COP1: variants seen among roughly 807,000 people sequenced by gnomAD.
The protein encoded by COP1 is E3 ubiquitin-protein ligase COP1.
Under a neutral mutation model 101.3 loss-of-function variants are expected in COP1, and 24 were observed. The ratio of observed to expected loss-of-function variants is 0.24; its 90% CI spans 0.17 to 0.33. COP1 has a LOEUF of 0.33. COP1 is among the 10% of genes least tolerant of loss of function. The probability of loss-of-function intolerance (pLI) is 1.00; values close to 1 mark genes in which losing one functional copy is unlikely to be tolerated. For missense variants in COP1, 663 were observed against 906.2 expected, an observed-to-expected ratio of 0.73 and a Z score of 3.45; for synonymous variants, 347 against 341.9, an observed-to-expected ratio of 1.01 and a Z score of -0.17.
intron 2 of COP1, among the ~76,000 whole-genome samples, chr1:176,177,853 T>C (rs564683948): frequency 1.3e-5 from 2 of 152,314 alleles, no homozygotes; most frequent in East Asian, 3.9e-4. Context: ...CTTTCACATC[T>C]CACATTTGTT....
chr1:176,016,804 T>A (rs891755093), intron 15 of COP1, among the ~76,000 whole-genome samples: 6 of 151,978 alleles, frequency 3.9e-5, no homozygotes, highest in Admixed American at 6.6e-5. Context: ...AACAAAAAAA[T>A]TTATCTACTT....
In COP1 at chr1:176,162,951, C is replaced by A; in HGVS notation, c.680G>T (p.Gly227Val). The change falls in exon 5 of 20, where the codon GGA (glycine) becomes GTA (valine). Residue 227 changes from glycine (G) to valine (V), a missense_variant. Gly to Val is a moderately radical substitution (Grantham distance 109). Around this residue, in one of 4 missense-constraint regions of COP1, gnomAD observed 212 missense variants for 240.7 expected, o/e 0.88. Transcript: ENST00000367669. ...CAAATCAAGGTTATCTTGGTCAGTT[C>A]CCAACCAATCTTGAAATATCTGCCA... ...HRWQIFQDWL[G>V]TDQDNLDLAN... is the part of the protein sequence containing the mutation. 2 of 1,608,024 alleles carry A rather than the reference C, an allele frequency of 1.2e-6. No homozygotes were observed. The highest frequency in any genetic ancestry group is 1.7e-6 in the Non-Finnish European group (2 of 1,177,232).
intron 16 of COP1, 101 bp downstream of exon 16, chr1:175,989,261 T>C (rs1657845973): frequency 3.3e-6 from 2 of 597,412 alleles, no homozygotes; most frequent in Non-Finnish European, 6.1e-6. Flanking sequence ...GTACATATAC[T>C]CCAATATTAT....
chr1:176,061,490 G>C (rs1674829890), intron 11 of COP1, among the ~76,000 whole-genome samples: 1 of 152,190 alleles, frequency 6.6e-6, no homozygotes, highest in South Asian at 2.1e-4. Context: ...ACTAGGCATG[G>C]TGGCGTGCGC....
At chr1:176,015,578 C>T (rs1665482886) in intron 15 of COP1, among the ~76,000 whole-genome samples, 2 of 151,926 alleles carry the variant, frequency 1.3e-5, no homozygotes, top group Admixed American at 1.3e-4. Context: ...ATCTTGATAA[C>T]CAAGGAGGAA....
chr1:176,136,325 G>GT (rs1176220143), intron 7 of COP1, among the ~76,000 whole-genome samples, 163 bp downstream of exon 7: 1 of 151,734 alleles, frequency 6.6e-6, no homozygotes, highest in East Asian at 1.9e-4. Context: ...TGTTCAGAAT[G>GT]TTTTTTTCTA....
chr1:176,067,659 A>C (rs1676238824), intron 11 of COP1, among the ~76,000 whole-genome samples: 1 of 152,116 alleles, frequency 6.6e-6, no homozygotes, highest in South Asian at 2.1e-4. Flanking sequence ...AAAAGCTTGC[A>C]CTCATTCTCC....
At chr1:176,046,041 A>AT (rs1671467751) in intron 12 of COP1, 140 bp downstream of exon 12, 3 of 582,566 alleles carry the variant, frequency 5.1e-6, no homozygotes, top group Non-Finnish European at 8.5e-6. Flanking sequence ...AAGTAATAAT[A>AT]TATACTCTGT....
At chr1:175,967,062 CG>C (rs1255916999) in intron 18 of COP1, among the ~76,000 whole-genome samples, 1 of 152,188 alleles carries the variant, frequency 6.6e-6, no homozygotes, top group Admixed American at 6.5e-5. Context: ...ATCTTAAAAT[CG>C]TTCATTAGAA....
intron 11 of COP1, 136 bp downstream of exon 11, chr1:176,081,016 C>G (rs1276137385): frequency 1.3e-6 from 1 of 761,926 alleles, no homozygotes; most frequent in Non-Finnish European, 2.1e-6. Context: ...AGGAACTTGC[C>G]TAAAATCACA....
At chr1:175,989,340 C>T (rs766118243) in intron 16 of COP1, 22 bp downstream of exon 16, 3 of 1,258,152 alleles carry the variant, frequency 2.4e-6, no homozygotes, top group Admixed American at 1.7e-5. Context: ...TAAGCTCAAC[C>T]TCTGAGGAGA....
At chr1:176,125,104 A>AT (rs57143115) in intron 8 of COP1, among the ~76,000 whole-genome samples, 4 of 151,166 alleles carry the variant, frequency 2.6e-5, no homozygotes, top group South Asian at 2.1e-4. Context: ...TGATTATTCG[A>AT]TTTTTTTTTT....
intron 13 of COP1, 118 bp from the exon 14 acceptor site, chr1:176,043,385 G>T: frequency 1.6e-6 from 1 of 625,988 alleles, no homozygotes. Flanking sequence ...AAGACAACAG[G>T]CTAGAAAACA....
chr1:176,103,828 A>G (rs1683851438), intron 9 of COP1, among the ~76,000 whole-genome samples: 1 of 152,212 alleles, frequency 6.6e-6, no homozygotes, highest in South Asian at 2.1e-4. Flanking sequence ...AGTTAAAATC[A>G]GTATCATAAA....
At chr1:176,001,416 T>C (rs1375556066) in intron 15 of COP1, among the ~76,000 whole-genome samples, 1 of 152,154 alleles carries the variant, frequency 6.6e-6, no homozygotes, top group African/African-American at 2.4e-5. Context: ...CGATTTTTGT[T>C]TGTGTAAATG....
At chr1:176,056,009 C>T (rs1295278307) in intron 11 of COP1, among the ~76,000 whole-genome samples, 1 of 151,866 alleles carries the variant, frequency 6.6e-6, no homozygotes, top group South Asian at 2.1e-4. Flanking sequence ...TAGCTATGTC[C>T]CATAAGTTCT....
chr1:176,018,950 G>C (rs1666165353), intron 15 of COP1, among the ~76,000 whole-genome samples: 1 of 151,500 alleles, frequency 6.6e-6, no homozygotes, highest in South Asian at 2.1e-4. Context: ...TGGATCACTT[G>C]AGGTCAGGAG....
chr1:176,046,103 G>A lies in COP1; in HGVS notation c.1421+78C>T, dbSNP rs900555826. ...CATGAGTAAAAAGTGTCATGCAAAG[G>A]TAAAATAATCTCATGATAATTACAT... is the stretch of plus-strand genomic sequence containing the variant. On this transcript the variant is annotated intron_variant, in intron 12 of 19. Coordinates refer to ENST00000367669, the MANE Select transcript of COP1 (RefSeq NM_022457.7). 1.3e-5 allele frequency: 15 copies of A among 1,182,258 alleles called. No individual in the cohort carries two copies. In the African/African-American group the frequency reaches 1.5e-4, roughly 12 times the overall value. 73.2% of individuals were successfully genotyped at this position (1,182,258 alleles called of 1,614,324 possible).
intron 15 of COP1, among the ~76,000 whole-genome samples, chr1:176,007,000 T>C (rs1387891901): frequency 6.6e-6 from 1 of 152,138 alleles, no homozygotes; most frequent in African/African-American, 2.4e-5. Flanking sequence ...CAGATGTAGA[T>C]TTGGTCTTTT....
Sources: allele counts gnomAD v4.1 joint callset (sites outside exome capture counted in the v4.1 genomes callset), GRCh38; gene constraint gnomAD v4.1.1; regional missense constraint gnomAD v4.1.1; transcripts MANE v1.5; gene names NCBI Gene and HGNC (gene_info 2026-07-23, HGNC 2026-07-21).